EXOC4: variants seen among roughly 807,000 people sequenced by gnomAD.
EXOC4 encodes SEC8-like 1.
In EXOC4, 71 loss-of-function variants were observed where a neutral mutation model predicts 107.2. The ratio of observed to expected loss-of-function variants is 0.66; its 90% CI spans 0.55 to 0.81. The LOEUF is 0.81. Ranked by LOEUF, EXOC4 falls within the 30% of genes least tolerant of loss-of-function variation. EXOC4 has a pLI of 0.00. For missense variants in EXOC4, 1,108 were observed against 1,189.6 expected, an observed-to-expected ratio of 0.93 and a Z score of 1.01; for synonymous variants, 456 against 441.2, an observed-to-expected ratio of 1.03 and a Z score of -0.42.
intron 14 of EXOC4, among the ~76,000 whole-genome samples, chr7:133,974,379 A>C (rs905243189): frequency 6.6e-6 from 1 of 152,236 alleles, no homozygotes; most frequent in Non-Finnish European, 1.5e-5. Flanking sequence ...ACACATGTGT[A>C]TTACAGCTTA....
At chr7:133,260,329 A>C (rs1795116218) in intron 1 of EXOC4, among the ~76,000 whole-genome samples, 1 of 150,746 alleles carries the variant, frequency 6.6e-6, no homozygotes, top group Non-Finnish European at 1.5e-5. Flanking sequence ...GCTGGAGTGC[A>C]ATGGCACCAT....
chr7:133,881,978 A>C (rs538952290), intron 11 of EXOC4, among the ~76,000 whole-genome samples: 1 of 152,284 alleles, frequency 6.6e-6, no homozygotes, highest in South Asian at 2.1e-4. Flanking sequence ...CACCAACCAG[A>C]TGCCTTTCCC....
At chr7:134,053,482 T>C (rs969375831) in intron 17 of EXOC4, among the ~76,000 whole-genome samples, 1 of 151,814 alleles carries the variant, frequency 6.6e-6, no homozygotes, top group African/African-American at 2.4e-5. Flanking sequence ...GAGGCAGAAT[T>C]GGGTTTAAAT....
At chr7:133,767,974 G>C (rs1233705862) in intron 10 of EXOC4, 1 of 152,008 alleles carries the variant, frequency 6.6e-6, no homozygotes, top group East Asian at 1.9e-4. Flanking sequence ...TAAATGGAAT[G>C]TGTAAGTACC....
chr7:133,817,425 C>T lies in EXOC4; in HGVS notation c.1615C>T (p.Gln539Ter). Residue 539 changes from glutamine (Q) to a stop codon, truncating the protein, a stop_gained, in exon 11 of 18, where the codon CAA (glutamine) becomes TAA (stop). Coordinates refer to ENST00000253861, the MANE Select transcript of EXOC4 (RefSeq NM_021807.4). LOFTEE classifies it high-confidence loss of function. ...TVYIKNIFLN[Q>*]VLAEINKEIE... The stretch of plus-strand genomic sequence containing the variant: ...GTACATCAAAAACATCTTTCTCAAT[C>T]AAGTCTTGGCTGAGATCAACAAGGA... 4 of 1,614,094 alleles carry T rather than the reference C, an allele frequency of 2.5e-6. No individual in the cohort carries two copies. Among genetic ancestry groups the T allele is most frequent in the Non-Finnish European group, 3.4e-6 (4 of 1,179,960 alleles).
intron 10 of EXOC4, among the ~76,000 whole-genome samples, chr7:133,634,713 A>C (rs28636683): frequency 7.0e-4 from 106 of 152,118 alleles, no homozygotes; most frequent in African/African-American, 2.4e-3. Flanking sequence ...TAGAACTCCT[A>C]ACAGGTGATC....
At chr7:134,059,973 C>G (rs1796019271) in intron 17 of EXOC4, among the ~76,000 whole-genome samples, 1 of 152,024 alleles carries the variant, frequency 6.6e-6, no homozygotes, top group African/African-American at 2.4e-5. Context: ...TGTTTTCAGA[C>G]AGAATGTATG....
At chr7:133,558,891 T>C (rs1800754775) in intron 9 of EXOC4, among the ~76,000 whole-genome samples, 1 of 152,204 alleles carries the variant, frequency 6.6e-6, no homozygotes, top group African/African-American at 2.4e-5. Context: ...AGGGTAATCA[T>C]ATGACCAACC....
At chr7:133,923,859 C>T (rs975850009) in intron 13 of EXOC4, among the ~76,000 whole-genome samples, 1 of 152,070 alleles carries the variant, frequency 6.6e-6, no homozygotes, top group African/African-American at 2.4e-5. Context: ...CTTCTAAAAC[C>T]TTTATTGTGC....
intron 7 of EXOC4, among the ~76,000 whole-genome samples, chr7:133,423,718 G>A (rs911391738): frequency 7.2e-5 from 11 of 152,202 alleles, no homozygotes; most frequent in Non-Finnish European, 1.2e-4. Flanking sequence ...GGCTGAAGCC[G>A]GCTTCCTCTG....
intron 8 of EXOC4, among the ~76,000 whole-genome samples, chr7:133,477,440 A>G (rs1185468735): frequency 6.6e-6 from 1 of 152,202 alleles, no homozygotes; most frequent in African/African-American, 2.4e-5. Context: ...TCTTTCACTT[A>G]GCAATATGCA....
chr7:133,971,038 A>C (rs1024342698), intron 14 of EXOC4, among the ~76,000 whole-genome samples: 2 of 152,022 alleles, frequency 1.3e-5, no homozygotes, highest in Non-Finnish European at 2.9e-5. Context: ...CCTCAGCCCT[A>C]ACTGTAGTGC....
chr7:134,053,548 G>T (rs1213131070), intron 17 of EXOC4, among the ~76,000 whole-genome samples: 1 of 147,830 alleles, frequency 6.8e-6, no homozygotes, highest in Non-Finnish European at 1.5e-5. Context: ...GCTGATGAAA[G>T]TATATCTGAT....
intron 7 of EXOC4, among the ~76,000 whole-genome samples, chr7:133,458,203 C>A (rs1000052009): frequency 2.0e-5 from 3 of 152,134 alleles, no homozygotes; most frequent in African/African-American, 7.2e-5. Context: ...TTACCTAGCT[C>A]CTCTGAAGCT....
chr7:133,732,659 C>G (rs1795352996), intron 10 of EXOC4: 1 of 153,526 alleles, frequency 6.5e-6, no homozygotes, highest in Non-Finnish European at 1.5e-5. Flanking sequence ...ACCAAGACAT[C>G]ATGGAAAGGA....
At chr7:134,045,273 C>T (rs1795623284) in intron 17 of EXOC4, among the ~76,000 whole-genome samples, 1 of 152,128 alleles carries the variant, frequency 6.6e-6, no homozygotes, top group Admixed American at 6.5e-5. Flanking sequence ...TAGTTGTTAT[C>T]AATGTTTCTT....
At chr7:133,619,099 C>T (rs971332386) in intron 9 of EXOC4, among the ~76,000 whole-genome samples, 1 of 152,148 alleles carries the variant, frequency 6.6e-6, no homozygotes, top group Non-Finnish European at 1.5e-5. Flanking sequence ...TTAAAGCCAC[C>T]TGTGCCTCAG....
chr7:133,570,293 G>A (rs945725629), intron 9 of EXOC4, among the ~76,000 whole-genome samples: 2 of 152,174 alleles, frequency 1.3e-5, no homozygotes, highest in Non-Finnish European at 2.9e-5. Flanking sequence ...AGTCTCACCA[G>A]TTAGTGATCA....
At position 134,004,967 on chromosome 7, in the gene EXOC4, G is replaced by A. The variant is rs1794612948; in HGVS notation, c.2404G>A (p.Val802Met). The change falls in exon 16 of 18, where the codon GTG (valine) becomes ATG (methionine). Residue 802 changes from valine (V) to methionine (M), a missense_variant. Coordinates refer to ENST00000253861, the MANE Select transcript of EXOC4 (RefSeq NM_021807.4). ...TGCAAAGGAGGGGAACTATGCCATTGTGGCTAATGTGGAAAGTATGGATTA... is the reference window on the plus strand; with the variant it reads ...TGCAAAGGAGGGGAACTATGCCATTATGGCTAATGTGGAAAGTATGGATTA... ...PLAKEGNYAI[V>M]ANVESMDYDP... is the part of the protein sequence containing the mutation. The A allele has an allele frequency of 6.2e-7, 1 of 1,613,374 alleles. No homozygotes were observed. Among genetic ancestry groups the A allele is most frequent in the Non-Finnish European group, 8.5e-7 (1 of 1,179,648 alleles).
Sources: gnomAD v4.1 joint callset for allele counts (sites outside exome capture counted in the v4.1 genomes callset) on GRCh38, gnomAD v4.1.1 for gene constraint, MANE v1.5 for transcripts, NCBI Gene and HGNC (gene_info 2026-07-23, HGNC 2026-07-21) for gene names.